The following SOAT1 variants were observed in gnomAD, a reference collection of about 807,000 sequenced individuals.
The protein encoded by SOAT1 is sterol O-acyltransferase 1, also known as acyl-coenzyme A:cholesterol acyltransferase 1.
SOAT1 carries 55 observed loss-of-function variants against 69.5 expected under a neutral mutation model. The observed-to-expected ratio is 0.79, with a 90% CI of 0.64 to 0.99. The LOEUF (loss-of-function observed/expected upper bound fraction) is 0.99, where lower values mean the gene tolerates loss of function less well. Ranked by LOEUF, SOAT1 falls within the 50% of genes least tolerant of loss-of-function variation. SOAT1 has a pLI of 0.00. For missense variants in SOAT1, 580 were observed against 669.3 expected (o/e 0.87, Z 1.47); for synonymous variants, 231 against 224.7 (o/e 1.03, Z -0.25).
intron 3 of SOAT1, among the ~76,000 whole-genome samples, chr1:179,329,352 T>TA (rs966662708): frequency 2.0e-5 from 3 of 150,478 alleles, no homozygotes; most frequent in Admixed American, 6.6e-5. Flanking sequence ...AAAAATAAAT[T>TA]AAAAAAAAGA....
At chr1:179,336,689 A>G (rs534995708) in intron 4 of SOAT1, among the ~76,000 whole-genome samples, 79 of 152,290 alleles carry the variant, frequency 5.2e-4, no homozygotes, top group South Asian at 2.9e-3. Context: ...GTCTAGCTCT[A>G]GAGTCCTTGC....
At chr1:179,294,764 CT>C (rs1664574216) in intron 1 of SOAT1, among the ~76,000 whole-genome samples, 1 of 152,128 alleles carries the variant, frequency 6.6e-6, no homozygotes. Context: ...AACTCCTGAC[CT>C]CAAGTGATCC....
chr1:179,349,028 T>C, intron 13 of SOAT1, 86 bp downstream of exon 13: 1 of 760,832 alleles, frequency 1.3e-6, no homozygotes, highest in South Asian at 1.5e-5. Flanking sequence ...TGGAAGAAGT[T>C]ATATTTAATT....
At chr1:179,344,720 T>A (rs1434252012) in intron 10 of SOAT1, among the ~76,000 whole-genome samples, 1 of 151,988 alleles carries the variant, frequency 6.6e-6, no homozygotes, top group African/African-American at 2.4e-5. Flanking sequence ...AAGAGTAAGC[T>A]CTTCTAAAAA....
chr1:179,337,975 C>T, intron 5 of SOAT1, 79 bp downstream of exon 5: 3 of 960,176 alleles, frequency 3.1e-6, no homozygotes, highest in Non-Finnish European at 4.7e-6. Flanking sequence ...AGTATATGGA[C>T]ATGTAATGAG....
intron 15 of SOAT1, among the ~76,000 whole-genome samples, chr1:179,353,241 A>G: frequency 7.5e-6 from 1 of 133,506 alleles, no homozygotes; most frequent in Non-Finnish European, 1.6e-5. Context: ...GTCGTCCTTA[A>G]CCACCATTTA....
chr1:179,327,632 T>C (rs1303986311), intron 3 of SOAT1, among the ~76,000 whole-genome samples: 1 of 152,250 alleles, frequency 6.6e-6, no homozygotes, highest in Admixed American at 6.5e-5. Flanking sequence ...TAAAACGTTA[T>C]TTATCTGAAA....
rs1024654978 is a variant in SOAT1 at position 179,293,874 on chromosome 1, C to T, written c.-71C>T. ...GGAGTCGACCTTCCTGCTGGCTGCT[C>T]TGTGACCGCTTCCCGGCTCTGCCCT... On this transcript the variant is annotated 5_prime_UTR_variant, in exon 1 of 16. Transcript: ENST00000367619. 2 of 152,446 alleles carry T rather than the reference C, an allele frequency of 1.3e-5. No homozygotes were observed. The highest frequency in any genetic ancestry group is 2.9e-5 in the Non-Finnish European group (2 of 68,204). The allele number at this position is 152,446 out of a possible 1,614,324, so 9.4% of individuals were successfully genotyped here.
At chr1:179,317,262 G>A (rs1006999500) in intron 2 of SOAT1, among the ~76,000 whole-genome samples, 9 of 152,134 alleles carry the variant, frequency 5.9e-5, no homozygotes, top group Admixed American at 2.0e-4. Flanking sequence ...GGCCTGGCGC[G>A]GTGGCTCACG....
At chr1:179,314,519 T>A (rs978671712) in intron 2 of SOAT1, among the ~76,000 whole-genome samples, 3 of 152,200 alleles carry the variant, frequency 2.0e-5, no homozygotes, top group African/African-American at 7.2e-5. Context: ...AAGATATCAC[T>A]ATAATAGTAT....
intron 2 of SOAT1, among the ~76,000 whole-genome samples, chr1:179,308,950 A>T (rs1665124887): frequency 6.6e-6 from 1 of 152,108 alleles, no homozygotes; most frequent in Non-Finnish European, 1.5e-5. Flanking sequence ...TGCTGTACGG[A>T]TGCTTGGCGG....
chr1:179,295,848 C>T (rs1664613869), intron 1 of SOAT1, among the ~76,000 whole-genome samples: 1 of 140,808 alleles, frequency 7.1e-6, no homozygotes, highest in Non-Finnish European at 1.5e-5. Context: ...GCTTGTTGCC[C>T]AGGCTGGAAT....
intron 1 of SOAT1, among the ~76,000 whole-genome samples, chr1:179,299,689 A>G (rs1664764380): frequency 6.6e-6 from 1 of 150,696 alleles, no homozygotes; most frequent in African/African-American, 2.4e-5. Context: ...ATACTGTTTC[A>G]TATGGCTTGG....
rs1349520259 is a variant in SOAT1, at chr1:179,303,710, T to C, written c.118+908T>C. Among the ~76,000 whole-genome samples, 3 of 152,212 alleles carry C rather than the reference T, an allele frequency of 2.0e-5. 1 individual carries two copies. The highest frequency in any genetic ancestry group is 2.0e-4 in the Admixed American group (3 of 15,280). ...TGATAGGCTCTTAGTTAGCTATATA[T>C]GACATATTTATATGGCATATGGGCT... is the stretch of plus-strand genomic sequence containing the variant. On this transcript the variant is annotated intron_variant, in intron 2 of 15. Transcript: ENST00000367619.
At chr1:179,351,021 C>CTTTTTTTTTTTTTTTTTTTTTTTTT (rs201449849) in intron 14 of SOAT1, among the ~76,000 whole-genome samples, 2 of 127,596 alleles carry the variant, frequency 1.6e-5, no homozygotes, top group Admixed American at 8.1e-5. Context: ...ATATTTCTTT[C>CTTTTTTTTTTTTTTTTTTTTTTTTT]TTTTTTTTTT....
intron 2 of SOAT1, among the ~76,000 whole-genome samples, chr1:179,318,651 C>A (rs768981701): frequency 7.9e-5 from 12 of 152,168 alleles, no homozygotes; most frequent in Non-Finnish European, 1.3e-4. Context: ...TAGGCAACCA[C>A]CAGCGTTTTG....
intron 2 of SOAT1, among the ~76,000 whole-genome samples, chr1:179,312,865 A>G (rs1665265925): frequency 1.3e-5 from 2 of 152,090 alleles, no homozygotes; most frequent in Non-Finnish European, 2.9e-5. Context: ...ATTCCATATC[A>G]TCCTTATTAC....
chr1:179,310,559 A>G (rs1665189274), intron 2 of SOAT1, among the ~76,000 whole-genome samples: 2 of 152,146 alleles, frequency 1.3e-5, no homozygotes, highest in African/African-American at 2.4e-5. Flanking sequence ...GGATTTTACT[A>G]TCTTATCTTC....
chr1:179,344,345 A>C (rs1666445356), intron 10 of SOAT1, among the ~76,000 whole-genome samples: 1 of 99,138 alleles, frequency 1.0e-5, no homozygotes, highest in Non-Finnish European at 2.1e-5. Flanking sequence ...AAGTTCTTTC[A>C]TTAAGGGGTT....
Sources: gnomAD v4.1 joint callset for allele counts (sites outside exome capture counted in the v4.1 genomes callset) on GRCh38, gnomAD v4.1.1 for gene constraint, MANE v1.5 for transcripts, NCBI Gene and HGNC (gene_info 2026-07-23, HGNC 2026-07-21) for gene names.